The following SMAD3 variants were observed in gnomAD, a reference collection of about 807,000 sequenced individuals.
SMAD3 encodes MAD homolog 3.
SMAD3 carries 12 observed loss-of-function variants against 51.8 expected under a neutral mutation model. The observed-to-expected ratio is 0.23, with a 90% CI of 0.15 to 0.38. SMAD3 has a LOEUF of 0.38. SMAD3 is among the 10% of genes least tolerant of loss of function. The pLI is 1.00. For missense variants in SMAD3, 294 were observed against 565.6 expected (o/e 0.52, Z 4.87); for synonymous variants, 238 against 227.7 (o/e 1.05, Z -0.41).
intron 1 of SMAD3, among the ~76,000 whole-genome samples, chr15:67,123,709 A>G (rs1352481955): frequency 6.6e-6 from 1 of 152,208 alleles, no homozygotes; most frequent in Non-Finnish European, 1.5e-5. Flanking sequence ...CTTATTTTGA[A>G]ATAGTCTTTT....
At chr15:67,070,694 G>T (rs1960032628) in intron 1 of SMAD3, among the ~76,000 whole-genome samples, 2 of 150,624 alleles carry the variant, frequency 1.3e-5, no homozygotes, top group South Asian at 4.2e-4. Flanking sequence ...TTTTGATGGG[G>T]GCGGGCGTTG....
chr15:67,125,449 T>C (rs1334942772), intron 1 of SMAD3, among the ~76,000 whole-genome samples: 1 of 152,220 alleles, frequency 6.6e-6, no homozygotes, highest in Non-Finnish European at 1.5e-5. Flanking sequence ...TCATTGTTAC[T>C]GGCTGAGCCA....
chr15:67,119,600 A>G lies in SMAD3; in HGVS notation c.207-45295A>G, dbSNP rs554326327. Among the ~76,000 whole-genome samples, 17 of 152,318 alleles carry G rather than the reference A, an allele frequency of 1.1e-4. No individual in the cohort carries two copies. The South Asian group carries it at 3.3e-3, about 30-fold the overall frequency. On this transcript the variant is annotated intron_variant, in intron 1 of 8. Coordinates refer to ENST00000327367, the MANE Select transcript of SMAD3 (RefSeq NM_005902.4). ...TGGAACCCTGGCTGAATTATCTCAG[A>G]CTTGCCAAAGACATTCATAAAATTC...
At chr15:67,125,293 G>C (rs1249316376) in intron 1 of SMAD3, among the ~76,000 whole-genome samples, 5 of 152,270 alleles carry the variant, frequency 3.3e-5, no homozygotes, top group Non-Finnish European at 7.3e-5. Context: ...TAGAGATTAA[G>C]AGCGGCTCCA....
intron 1 of SMAD3, among the ~76,000 whole-genome samples, chr15:67,132,782 C>G (rs1305408192): frequency 1.3e-5 from 2 of 152,132 alleles, no homozygotes; most frequent in Non-Finnish European, 2.9e-5. Flanking sequence ...GGATGACAGG[C>G]TTTTTATCAT....
intron 1 of SMAD3, among the ~76,000 whole-genome samples, chr15:67,077,240 CGTAT>C (rs1181528571): frequency 5.9e-5 from 9 of 151,530 alleles, no homozygotes; most frequent in Non-Finnish European, 7.4e-5. Context: ...TATGTATGTA[CGTAT>C]GTATGTATGT....
chr15:67,106,727 C>T (rs962534630), intron 1 of SMAD3, among the ~76,000 whole-genome samples: 1 of 152,148 alleles, frequency 6.6e-6, no homozygotes, highest in Admixed American at 6.5e-5. Context: ...TGGGGTCTGT[C>T]CCCTGCTCTC....
intron 1 of SMAD3, among the ~76,000 whole-genome samples, chr15:67,163,984 G>A (rs1224040012): frequency 1.4e-5 from 2 of 143,608 alleles, no homozygotes; most frequent in African/African-American, 5.2e-5. Flanking sequence ...TTTAATTTCC[G>A]TCTTTCACTC....
intron 5 of SMAD3, among the ~76,000 whole-genome samples, chr15:67,174,871 A>G (rs1215568110): frequency 1.3e-5 from 2 of 152,228 alleles, no homozygotes; most frequent in Non-Finnish European, 2.9e-5. Flanking sequence ...CCCAGGGCTC[A>G]GGTCTGGGGA....
chr15:67,080,411 A>C (rs1248668845), intron 1 of SMAD3, among the ~76,000 whole-genome samples: 1 of 152,192 alleles, frequency 6.6e-6, no homozygotes, highest in African/African-American at 2.4e-5. Flanking sequence ...TCAGGTGTGT[A>C]TGGAGCAGGT....
intron 1 of SMAD3, among the ~76,000 whole-genome samples, chr15:67,164,049 C>T (rs560304407): frequency 2.3e-4 from 35 of 151,704 alleles, no homozygotes; most frequent in Non-Finnish European, 5.0e-4. Context: ...CGGTGGTTCA[C>T]GCCTGAAATC....
intron 1 of SMAD3, among the ~76,000 whole-genome samples, chr15:67,070,445 C>T (rs1445204634): frequency 6.6e-5 from 10 of 152,046 alleles, no homozygotes; most frequent in African/African-American, 2.4e-4. Flanking sequence ...CAGACAGCCC[C>T]TCTGTTGTTA....
intron 7 of SMAD3, chr15:67,187,146 C>T (rs1467050616): frequency 1.5e-6 from 1 of 685,374 alleles, no homozygotes; most frequent in South Asian, 1.5e-5. Flanking sequence ...TCAGTGGCAC[C>T]TCCCAGTGAG....
At chr15:67,083,159 T>G (rs1448692798) in intron 1 of SMAD3, among the ~76,000 whole-genome samples, 15 of 152,342 alleles carry the variant, frequency 9.8e-5, no homozygotes, top group Non-Finnish European at 8.8e-5. Flanking sequence ...GTTGCCGCAG[T>G]GCGAGGCTGG....
At chr15:67,140,443 A>G (rs1961787993) in intron 1 of SMAD3, among the ~76,000 whole-genome samples, 1 of 152,108 alleles carries the variant, frequency 6.6e-6, no homozygotes, top group African/African-American at 2.4e-5. Flanking sequence ...ACTTCTGCCT[A>G]CCTTAGCAGC....
intron 1 of SMAD3, among the ~76,000 whole-genome samples, chr15:67,085,579 A>G (rs898122148): frequency 8.5e-5 from 13 of 152,048 alleles, no homozygotes; most frequent in Non-Finnish European, 1.8e-4. Context: ...GAGGGCTAGG[A>G]TTCTTGATTC....
At chr15:67,120,150 A>C (rs1299068129) in intron 1 of SMAD3, among the ~76,000 whole-genome samples, 1 of 151,780 alleles carries the variant, frequency 6.6e-6, no homozygotes. Context: ...GATTTCTAGG[A>C]CCTCCCCACT....
At chr15:67,167,737 A>G (rs982531983) in intron 4 of SMAD3, among the ~76,000 whole-genome samples, 6 of 152,102 alleles carry the variant, frequency 3.9e-5, no homozygotes, top group African/African-American at 1.4e-4. Flanking sequence ...TTGTTATAGG[A>G]CCAAATTGGC....
intron 6 of SMAD3, among the ~76,000 whole-genome samples, chr15:67,182,076 C>A (rs1354086669): frequency 6.6e-6 from 1 of 152,178 alleles, no homozygotes; most frequent in Non-Finnish European, 1.5e-5. Context: ...CGTGAGCCAC[C>A]GTGCCTGGCT....
Sources: gnomAD v4.1 joint callset for allele counts (sites outside exome capture counted in the v4.1 genomes callset) on GRCh38, gnomAD v4.1.1 for gene constraint, MANE v1.5 for transcripts, NCBI Gene and HGNC (gene_info 2026-07-23, HGNC 2026-07-21) for gene names.